KCTD1: variants seen among roughly 807,000 people sequenced by gnomAD.
The protein encoded by KCTD1 is BTB/POZ domain-containing protein KCTD1.
In KCTD1, 24 loss-of-function variants were observed where a neutral mutation model predicts 66.0. The observed-to-expected ratio is 0.36, with a 90% CI of 0.26 to 0.51. The LOEUF (loss-of-function observed/expected upper bound fraction) is 0.51. KCTD1 is among the 20% of genes least tolerant of loss of function. The probability of loss-of-function intolerance (pLI) is 0.95; values close to 1 mark genes in which losing one functional copy is unlikely to be tolerated. For missense variants in KCTD1, 943 were observed against 1,205.2 expected (o/e 0.78, Z 3.22); for synonymous variants, 511 against 517.2 (o/e 0.99, Z 0.16).
chr18:26,651,801 AGAAG>A (rs1395528147), intron 1 of KCTD1, among the ~76,000 whole-genome samples: 1 of 54,314 alleles, frequency 1.8e-5, no homozygotes, highest in African/African-American at 5.1e-5. Context: ...AAAAAAAAAA[AGAAG>A]AAGAAGAAGA....
chr18:26,620,284 C>G (rs1987344295), intron 1 of KCTD1, among the ~76,000 whole-genome samples: 1 of 141,740 alleles, frequency 7.1e-6, no homozygotes, highest in South Asian at 2.2e-4. Flanking sequence ...TCACTGTTCT[C>G]CAGGGAGCTG....
At chr18:26,631,473 A>T (rs1450385382), upstream of KCTD1, among the ~76,000 whole-genome samples, 3 of 152,152 alleles carry the variant, frequency 2.0e-5, no homozygotes, top group African/African-American at 7.2e-5. Context: ...TAAACATAGA[A>T]AAGGTACAGT....
At chr18:26,602,356 A>AG (rs1986917431) in intron 1 of KCTD1, among the ~76,000 whole-genome samples, 1 of 152,146 alleles carries the variant, frequency 6.6e-6, no homozygotes, top group African/African-American at 2.4e-5. Context: ...TATTCTGTTG[A>AG]AAATTTTTAC....
chr18:26,602,185 G>A (rs1986914114), intron 1 of KCTD1, among the ~76,000 whole-genome samples: 1 of 152,130 alleles, frequency 6.6e-6, no homozygotes, highest in African/African-American at 2.4e-5. Context: ...ATGAAAGGGT[G>A]TTGAATTTTG....
intron 1 of KCTD1, among the ~76,000 whole-genome samples, chr18:26,603,247 T>C (rs1293092966): frequency 1.3e-5 from 2 of 151,676 alleles, no homozygotes; most frequent in African/African-American, 4.9e-5. Flanking sequence ...CTGGGCAACA[T>C]GGTGAAACCT....
chr18:26,610,752 A>T (rs1987121168), intron 1 of KCTD1, among the ~76,000 whole-genome samples: 4 of 152,192 alleles, frequency 2.6e-5, no homozygotes, highest in Admixed American at 2.6e-4. Flanking sequence ...TTTACTACTC[A>T]ATGGCCTTTG....
chr18:26,539,636 C>T (rs1315461107), intron 1 of KCTD1, among the ~76,000 whole-genome samples: 4 of 152,180 alleles, frequency 2.6e-5, no homozygotes, highest in African/African-American at 7.2e-5. Flanking sequence ...ATGGGAGCCT[C>T]GTGCCTTATG....
chr18:26,542,463 C>T (rs1040707508), intron 1 of KCTD1, among the ~76,000 whole-genome samples: 7 of 152,210 alleles, frequency 4.6e-5, no homozygotes, highest in African/African-American at 1.7e-4. Context: ...TTCAAAGACA[C>T]ATACTACACA....
intron 1 of KCTD1, among the ~76,000 whole-genome samples, chr18:26,590,844 T>C (rs1986584406): frequency 6.6e-6 from 1 of 152,166 alleles, no homozygotes; most frequent in South Asian, 2.1e-4. Flanking sequence ...CTACATGGTA[T>C]CTCTTACAGG....
intron 1 of KCTD1, among the ~76,000 whole-genome samples, chr18:26,540,167 GAAATT>G (rs1248966712): frequency 6.6e-6 from 1 of 152,130 alleles, no homozygotes; most frequent in Non-Finnish European, 1.5e-5. Flanking sequence ...AGTAAAACTA[GAAATT>G]CATGATCACA....
chr18:26,555,810 G>A (rs537517123), intron 1 of KCTD1, among the ~76,000 whole-genome samples: 2 of 152,102 alleles, frequency 1.3e-5, no homozygotes, highest in Non-Finnish European at 2.9e-5. Flanking sequence ...AATGAGTATC[G>A]ATAATGATAG....
chr18:26,575,835 T>C (rs1020549854), intron 1 of KCTD1, among the ~76,000 whole-genome samples: 24 of 152,200 alleles, frequency 1.6e-4, no homozygotes, highest in African/African-American at 5.8e-4. Context: ...AAAGCACTGA[T>C]CTTTTGATTA....
At chr18:26,471,930 G>A (rs1981086363) in intron 3 of KCTD1, among the ~76,000 whole-genome samples, 2 of 152,316 alleles carry the variant, frequency 1.3e-5, no homozygotes, top group South Asian at 2.1e-4. Context: ...GGTGGGATGA[G>A]GGTAGTGGAT....
intron 3 of KCTD1, among the ~76,000 whole-genome samples, chr18:26,471,830 A>C (rs964723630): frequency 2.0e-5 from 3 of 152,210 alleles, no homozygotes; most frequent in African/African-American, 7.2e-5. Context: ...TGCAGAGAAC[A>C]AGTCAAAAAG....
intron 3 of KCTD1, 130 bp from the exon 4 acceptor site, chr18:26,460,055 T>C: frequency 1.5e-6 from 1 of 678,872 alleles, no homozygotes; most frequent in Non-Finnish European, 2.5e-6. Context: ...CGTTTTTCAC[T>C]TACGACATGT....
chr18:26,548,746 A>C, upstream of KCTD1: 1 of 1,089,312 alleles, frequency 9.2e-7, no homozygotes, highest in Non-Finnish European at 1.1e-6. Context: ...GGGACAAGTT[A>C]GACCGGAGAG....
chr18:26,455,483 CCT>C lies in KCTD1; in HGVS notation c.*258_*259del. 5.5e-6 allele frequency: 1 copy of C among 182,524 alleles called. No individual in the cohort carries two copies. Among genetic ancestry groups the C allele is most frequent in the South Asian group, 1.7e-4 (1 of 5,824 alleles). The allele number at this position is 182,524 out of a possible 1,614,324, so 11.3% of individuals were successfully genotyped here. ...ATCACAGCACCAACTGCGGCTGTCA[CCT>C]TTTTTTTTTTTCTTTTTTGCATTTC... On this transcript the variant is annotated 3_prime_UTR_variant, in exon 5 of 5. Transcript: ENST00000580059.
At chr18:26,472,957 G>A (rs1981148312) in intron 3 of KCTD1, among the ~76,000 whole-genome samples, 1 of 152,224 alleles carries the variant, frequency 6.6e-6, no homozygotes. Context: ...GATCATGTCT[G>A]AGAGTGTGTG....
intron 1 of KCTD1, among the ~76,000 whole-genome samples, chr18:26,573,111 A>G (rs578215849): frequency 6.6e-6 from 1 of 151,932 alleles, no homozygotes; most frequent in African/African-American, 2.4e-5. Context: ...CAAATATTTC[A>G]TAACACCTTA....
Sources: gnomAD v4.1 joint callset for allele counts (sites outside exome capture counted in the v4.1 genomes callset) on GRCh38, gnomAD v4.1.1 for gene constraint, MANE v1.5 for transcripts, NCBI Gene and HGNC (gene_info 2026-07-23, HGNC 2026-07-21) for gene names.